Variants in ARMC2 observed in about 807,000 individuals in gnomAD.
ARMC2 encodes the protein armadillo repeat containing 2.
In ARMC2, 67 loss-of-function variants were observed where a neutral mutation model predicts 90.3. That is an observed-to-expected ratio of 0.74 (90% CI 0.61 to 0.91). The LOEUF (loss-of-function observed/expected upper bound fraction) is 0.91, where lower values mean the gene tolerates loss of function less well. ARMC2 is among the 40% of genes least tolerant of loss of function. ARMC2 has a pLI of 0.00. For missense variants in ARMC2, 920 were observed against 1,030.9 expected, an observed-to-expected ratio of 0.89 and a Z score of 1.47; for synonymous variants, 393 against 393.0, an observed-to-expected ratio of 1.00 and a Z score of 0.00.
chr6:108,970,147 G>A lies in ARMC2; in HGVS notation c.2447-3210G>A, dbSNP rs530381217. Among the ~76,000 whole-genome samples, 6 of 152,256 alleles carry A rather than the reference G, an allele frequency of 3.9e-5. No individual in the cohort carries two copies. In the East Asian group the frequency reaches 9.6e-4, roughly 24 times the overall value. On this transcript the variant is annotated intron_variant, in intron 17 of 17. Coordinates refer to ENST00000392644, the MANE Select transcript of ARMC2 (RefSeq NM_032131.6). ...CCCCATGTGATATGGCACTTTTAAT[G>A]TATGTTGCTGTGTTTACTTTGAAAC...
At chr6:108,951,407 C>G (rs937919153) in intron 12 of ARMC2, among the ~76,000 whole-genome samples, 8 of 152,176 alleles carry the variant, frequency 5.3e-5, no homozygotes, top group Non-Finnish European at 8.8e-5. Flanking sequence ...ATTGGACGAC[C>G]ACTATGGCTG....
At position 108,912,366 on chromosome 6, in the gene ARMC2, C is replaced by T; in HGVS notation, c.1158C>T (p.Asp386=). ...TATTGGAGGTACTAAGAAGTGAAGA[C>T]CTGCAAACTAACATGGAAGCTTTTT... is the stretch of plus-strand genomic sequence containing the variant. The part of the protein sequence containing the change: ...ESLLEVLRSE[D]LQTNMEAFLY... Residue 386 remains aspartate, a synonymous_variant, in exon 10 of 18, where the codon GAC becomes GAT. Coordinates refer to ENST00000392644, the MANE Select transcript of ARMC2 (RefSeq NM_032131.6). 1 of 1,610,734 alleles carries T rather than the reference C, an allele frequency of 6.2e-7. No homozygotes were observed. The highest frequency in any genetic ancestry group is 8.5e-7 in the Non-Finnish European group (1 of 1,178,846).
intron 6 of ARMC2, among the ~76,000 whole-genome samples, chr6:108,896,378 C>T (rs1011559739): frequency 6.6e-6 from 1 of 152,126 alleles, no homozygotes. Flanking sequence ...TAGATTGTTG[C>T]CCAAGATTGA....
chr6:109,029,297 T>C, the ARMC2 span, among the ~76,000 whole-genome samples: 10 of 152,102 alleles, frequency 6.6e-5, no homozygotes, highest in Admixed American at 3.3e-4. Flanking sequence ...AAATCACGGG[T>C]TAAAACACAG....
At chr6:108,989,586 G>T in the ARMC2 span, among the ~76,000 whole-genome samples, 5 of 150,446 alleles carry the variant, frequency 3.3e-5, no homozygotes, top group South Asian at 6.3e-4. Flanking sequence ...TCTATATATA[G>T]AGAGAGATAG....
intron 11 of ARMC2, among the ~76,000 whole-genome samples, chr6:108,933,012 T>C (rs1028642840): frequency 4.6e-5 from 7 of 152,190 alleles, no homozygotes; most frequent in Admixed American, 4.6e-4. Context: ...TCTAGCTTTG[T>C]TCTTTTTGCA....
At chr6:108,907,688 A>ACCATGGTAACC in intron 8 of ARMC2, 1 of 1,607,108 alleles carries the variant, frequency 6.2e-7, no homozygotes, top group Non-Finnish European at 8.5e-7. Flanking sequence ...GCATGCCAGC[A>ACCATGGTAACC]CCATGGTAAC....
At chr6:108,952,694 T>G (rs184990554) in intron 12 of ARMC2, among the ~76,000 whole-genome samples, 2 of 152,204 alleles carry the variant, frequency 1.3e-5, no homozygotes, top group Non-Finnish European at 2.9e-5. Context: ...AAAACTTAGA[T>G]TTACATGACT....
the ARMC2 span, among the ~76,000 whole-genome samples, chr6:109,043,709 T>C: frequency 6.6e-6 from 1 of 152,026 alleles, no homozygotes; most frequent in African/African-American, 2.4e-5. Flanking sequence ...AAAATCCAAA[T>C]AAGTGGAGAA....
chr6:108,917,536 T>C (rs1037796058), intron 10 of ARMC2, among the ~76,000 whole-genome samples: 1 of 152,162 alleles, frequency 6.6e-6, no homozygotes, highest in African/African-American at 2.4e-5. Flanking sequence ...TAAATGATGG[T>C]ATCATGAATA....
At chr6:108,890,718 T>C (rs1770926559) in intron 5 of ARMC2, among the ~76,000 whole-genome samples, 1 of 152,184 alleles carries the variant, frequency 6.6e-6, no homozygotes, top group African/African-American at 2.4e-5. Flanking sequence ...AGAACAGCAC[T>C]TAATACCAGT....
chr6:108,916,551 A>G (rs886449824), intron 10 of ARMC2, among the ~76,000 whole-genome samples: 1 of 152,206 alleles, frequency 6.6e-6, no homozygotes, highest in African/African-American at 2.4e-5. Context: ...TAAACTGTGC[A>G]TGTTCACTGA....
intron 12 of ARMC2, among the ~76,000 whole-genome samples, chr6:108,941,461 T>C (rs1776430379): frequency 6.6e-6 from 1 of 152,236 alleles, no homozygotes. Context: ...AGGCATGTCC[T>C]GACAAAGGCA....
chr6:108,873,132 C>T (rs1776591255), intron 4 of ARMC2, among the ~76,000 whole-genome samples: 2 of 152,188 alleles, frequency 1.3e-5, no homozygotes, highest in African/African-American at 2.4e-5. Context: ...CAGCCTCCTC[C>T]GTTTTGTATT....
At chr6:108,870,135 A>G (rs1776240052) in intron 4 of ARMC2, among the ~76,000 whole-genome samples, 1 of 152,184 alleles carries the variant, frequency 6.6e-6, no homozygotes. Flanking sequence ...GAAGAGAGAT[A>G]GGCTTACAGT....
chr6:108,936,239 A>G (rs191642735), intron 11 of ARMC2, among the ~76,000 whole-genome samples: 2 of 151,974 alleles, frequency 1.3e-5, no homozygotes, highest in African/African-American at 2.4e-5. Context: ...TTTTGAATGT[A>G]TAGGTTTTTT....
chr6:108,964,418 C>A, intron 16 of ARMC2, 106 bp downstream of exon 16: 1 of 1,314,298 alleles, frequency 7.6e-7, no homozygotes, highest in Non-Finnish European at 1.0e-6. Context: ...GGTATTTCAA[C>A]ATTGGGAAGC....
intron 5 of ARMC2, among the ~76,000 whole-genome samples, chr6:108,886,990 C>T (rs918039754): frequency 3.3e-5 from 5 of 151,798 alleles, no homozygotes; most frequent in Non-Finnish European, 7.4e-5. Context: ...TCACTGCAAC[C>T]TCCGCCTCCC....
In ARMC2 at chr6:108,928,082, T is replaced by G. The variant is rs368287710; in HGVS notation, c.1351-6T>G. ...AAAAAATGGCACAAGCATGCTTTTA[T>G]CCTAGGTGACTGCTACATTGAGAAA... On this transcript the variant is annotated splice_region_variant and splice_polypyrimidine_tract_variant and intron_variant, in intron 10 of 17. Coordinates refer to ENST00000392644, the MANE Select transcript of ARMC2 (RefSeq NM_032131.6). 1 of 1,601,728 alleles carries G rather than the reference T, an allele frequency of 6.2e-7. No individual in the cohort carries two copies. The highest frequency in any genetic ancestry group is 8.5e-7 in the Non-Finnish European group (1 of 1,175,666).
Sources: allele counts gnomAD v4.1 joint callset (sites outside exome capture counted in the v4.1 genomes callset), GRCh38; gene constraint gnomAD v4.1.1; transcripts MANE v1.5; gene names NCBI Gene and HGNC (gene_info 2026-07-23, HGNC 2026-07-21).